The following NBPF9 variants were observed in gnomAD, a reference collection of about 807,000 sequenced individuals.
NBPF9 encodes the protein NBPF family member NBPF9.
NBPF9 carries 91 observed loss-of-function variants against 97.8 expected under a neutral mutation model. That is an observed-to-expected ratio of 0.93 (90% CI 0.79 to 1.11). The LOEUF (loss-of-function observed/expected upper bound fraction) is 1.11. NBPF9 is among the 50% of genes least tolerant of loss of function. The probability of loss-of-function intolerance (pLI) is 0.00; values close to 1 mark genes in which losing one functional copy is unlikely to be tolerated. For synonymous variants in NBPF9, 334 were observed against 359.5 expected (o/e 0.93, Z 0.80); for missense variants, 992 against 939.5 (o/e 1.06, Z -0.73).
intron 4 of NBPF9, among the ~76,000 whole-genome samples, chr1:149,095,749 G>A (rs1313204523): frequency 3.3e-5 from 5 of 152,006 alleles, no homozygotes; most frequent in Non-Finnish European, 4.4e-5. Flanking sequence ...TTAAAACAAC[G>A]AGATATCACT....
chr1:149,062,455 C>T (rs587706434), intron 21 of NBPF9, among the ~76,000 whole-genome samples, 190 bp from the exon 22 acceptor site: 3,210 of 143,446 alleles, frequency 0.022, 221 homozygotes, highest in Middle Eastern at 0.062. Flanking sequence ...AAGAGAAAGA[C>T]AGGGAGAGGG....
intron 16 of NBPF9, 108 bp downstream of exon 16, chr1:149,070,826 C>G (rs1481025228): frequency 1.6e-5 from 23 of 1,463,568 alleles, no homozygotes; most frequent in Non-Finnish European, 2.2e-5. Flanking sequence ...GTTTAGAAAC[C>G]CATCACAGTT....
chr1:149,074,167 G>A (rs1255686800), intron 12 of NBPF9, among the ~76,000 whole-genome samples: 3 of 151,364 alleles, frequency 2.0e-5, no homozygotes, highest in East Asian at 3.9e-4. Flanking sequence ...CTCTGAATGC[G>A]GGGCCACTTT....
chr1:149,063,726 C>T (rs1292897646), exon 20 of NBPF9: 6 of 601,274 alleles, frequency 1.0e-5, no homozygotes, highest in Non-Finnish European at 1.8e-5. Flanking sequence ...TCAAGACAAC[C>T]TGAAGGAGTT....
chr1:149,071,179 C>T (rs1171384127), intron 15 of NBPF9, 40 bp from the exon 16 acceptor site: 2 of 1,318,494 alleles, frequency 1.5e-6, no homozygotes, highest in African/African-American at 1.5e-5. Flanking sequence ...GAAGATTAAA[C>T]ACAGAGGGAT....
At position 149,077,422 on chromosome 1, in the gene NBPF9, G is replaced by C. The variant is rs2079981944; in HGVS notation, c.567-3C>G. The C allele has an allele frequency of 6.2e-7, 1 of 1,609,034 alleles. No individual in the cohort carries two copies. The highest frequency in any genetic ancestry group is 1.7e-5 in the Admixed American group (1 of 59,874). On this transcript the variant is annotated splice_region_variant and splice_polypyrimidine_tract_variant and intron_variant, in intron 10 of 29. Coordinates refer to ENST00000584027, the Ensembl canonical transcript of NBPF9. Reference sequence around the variant, plus strand: ...TCTCTTCAGCCTTCTGCACCTCCCTGATGAGCCAGGTGGGACAGAGATGAC... The same window carrying C: ...TCTCTTCAGCCTTCTGCACCTCCCTCATGAGCCAGGTGGGACAGAGATGAC...
rs782504334 is a variant in NBPF9, at chr1:149,071,056, G to A, written c.1463C>T (p.Pro488Leu). 6.8e-6 allele frequency: 11 copies of A among 1,611,138 alleles called. No individual in the cohort carries two copies. The East Asian group carries it at 2.2e-4, about 33-fold the overall frequency. The change falls in exon 16 of 30, where the codon CCT becomes CTT. Residue 488 changes from proline (P) to leucine (L), a missense_variant. Pro to Leu is a moderately conservative substitution (Grantham distance 98). This residue lies in a region of NBPF9 where 151 missense variants were observed against 132.8 expected (regional missense o/e 1.14). Coordinates refer to ENST00000584027, the Ensembl canonical transcript of NBPF9. The stretch of plus-strand genomic sequence containing the variant: ...CCTATGTGGCTGGTTGGAGTCATAA[G>A]GGCCATGGCTATTTGAATAAGTGAT...
chr1:149,103,487 T>A (rs1157635843), exon 1 of NBPF9: 7 of 152,188 alleles, frequency 4.6e-5, no homozygotes, highest in Non-Finnish European at 7.3e-5. Context: ...ATCGCCGCTG[T>A]CTCAACCGCC....
intron 12 of NBPF9, among the ~76,000 whole-genome samples, chr1:149,075,102 G>A (rs1355700737): frequency 1.3e-5 from 2 of 151,342 alleles, no homozygotes; most frequent in African/African-American, 4.8e-5. Flanking sequence ...GAGCCACCAT[G>A]CATGGCCCCT....
chr1:149,103,030 C>T (rs1343145734), intron 1 of NBPF9, among the ~76,000 whole-genome samples, 183 bp from the exon 2 acceptor site: 4 of 151,908 alleles, frequency 2.6e-5, no homozygotes, highest in Non-Finnish European at 4.4e-5. Flanking sequence ...AGCTGCTCGT[C>T]CCTCCACCCC....
chr1:149,070,320 CAAAAAAAA>C (rs3979925), intron 16 of NBPF9, among the ~76,000 whole-genome samples: 97 of 47,820 alleles, frequency 2.0e-3, no homozygotes, highest in Middle Eastern at 0.013. Flanking sequence ...GACTCCATCG[CAAAAAAAA>C]AAAAAAAAAA....
At position 149,082,188 on chromosome 1, in the gene NBPF9, A is replaced by G; in HGVS notation, c.-35-14T>C. ...TGGGGCCAGGGACTGGGGAGAAGAA[A>G]CCCAAACATATGATGGGTTAAAAAC... is the stretch of plus-strand genomic sequence containing the variant. On this transcript the variant is annotated splice_polypyrimidine_tract_variant and intron_variant, in intron 6 of 29. Transcript: ENST00000584027. The G allele has an allele frequency of 6.2e-7, 1 of 1,610,102 alleles. No homozygotes were observed. The highest frequency in any genetic ancestry group is 8.5e-7 in the Non-Finnish European group (1 of 1,178,336).
chr1:149,076,504 T>A (rs1483552207), intron 11 of NBPF9, among the ~76,000 whole-genome samples: 2 of 142,138 alleles, frequency 1.4e-5, no homozygotes, highest in East Asian at 2.1e-4. Context: ...TCAGAGACTT[T>A]ATTTTTTTTT....
intron 5 of NBPF9, among the ~76,000 whole-genome samples, chr1:149,086,799 CTG>C (rs1399447160): frequency 2.6e-5 from 4 of 152,074 alleles, no homozygotes; most frequent in East Asian, 1.9e-4. Flanking sequence ...CCCAGTTCAT[CTG>C]TGTCTCGTTA....
chr1:149,080,448 A>G (rs1367821573), intron 7 of NBPF9, among the ~76,000 whole-genome samples: 1 of 150,950 alleles, frequency 6.6e-6, no homozygotes, highest in African/African-American at 2.4e-5. Flanking sequence ...CTGACTCTGA[A>G]TGCGGGGCCA....
chr1:149,084,679 C>A (rs1367968210), intron 5 of NBPF9, among the ~76,000 whole-genome samples: 8 of 151,712 alleles, frequency 5.3e-5, no homozygotes, highest in African/African-American at 1.9e-4. Flanking sequence ...CAAGGACCCA[C>A]CTTCCATCTG....
At chr1:149,101,266 A>G (rs2082128742) in exon 3 of NBPF9, 1 of 149,278 alleles carries the variant, frequency 6.7e-6, no homozygotes, top group African/African-American at 2.5e-5. Flanking sequence ...GCTCACCTGT[A>G]GGTCCCAGCT....
At chr1:149,085,044 G>A (rs1428598322) in intron 5 of NBPF9, among the ~76,000 whole-genome samples, 31 of 151,684 alleles carry the variant, frequency 2.0e-4, no homozygotes, top group Non-Finnish European at 3.4e-4. Context: ...CCACTCCACC[G>A]CTCCCCACAG....
At chr1:149,089,708 A>G (rs587770164) in intron 5 of NBPF9, among the ~76,000 whole-genome samples, 62 of 152,402 alleles carry the variant, frequency 4.1e-4, no homozygotes, top group African/African-American at 1.2e-3. Context: ...GCACTCAACC[A>G]GGAGTCAAGA....
Sources: gnomAD v4.1 joint callset for allele counts (sites outside exome capture counted in the v4.1 genomes callset) on GRCh38, gnomAD v4.1.1 for gene constraint, gnomAD v4.1.1 regional missense constraint, MANE v1.5 for transcripts, NCBI Gene and HGNC (gene_info 2026-07-23, HGNC 2026-07-21) for gene names.